The following ATG4A variants were observed in gnomAD, a reference collection of about 807,000 sequenced individuals.
ATG4A encodes autophagy related 4A cysteine peptidase.
In ATG4A, 22 loss-of-function variants were observed where a neutral mutation model predicts 38.4. The ratio of observed to expected loss-of-function variants is 0.57; its 90% CI spans 0.41 to 0.82. The LOEUF (loss-of-function observed/expected upper bound fraction) is 0.82. Ranked by LOEUF, ATG4A falls within the 40% of genes least tolerant of loss-of-function variation. The pLI is 0.00. For missense variants in ATG4A, 220 were observed against 290.0 expected, an observed-to-expected ratio of 0.76 and a Z score of 1.75; for synonymous variants, 86 against 100.7, an observed-to-expected ratio of 0.85 and a Z score of 0.88.
chrX:108,114,448 GC>G (rs1602629606), intron 1 of ATG4A, among the ~76,000 whole-genome samples: 1 of 112,005 alleles, frequency 8.9e-6, no homozygotes, highest in African/African-American at 3.2e-5. Flanking sequence ...TAATTCATAG[GC>G]CAGCATTCTG....
chrX:108,097,381 T>C (rs2031858301), intron 1 of ATG4A, among the ~76,000 whole-genome samples: 1 of 112,239 alleles, frequency 8.9e-6, no homozygotes, highest in Non-Finnish European at 1.9e-5. Context: ...TTTGGTGAAA[T>C]GACAAGATTT....
At position 108,117,618 on chromosome X, in the gene ATG4A, G is replaced by C. The variant is rs1422617666; in HGVS notation, c.11-8459G>C. ...AATTTACGAAGTGGGCCTTATTAGAGAGGGCTTTAAGTGCCACGTTGATGA... is the reference window on the plus strand; with the variant it reads ...AATTTACGAAGTGGGCCTTATTAGACAGGGCTTTAAGTGCCACGTTGATGA... On this transcript the variant is annotated intron_variant, in intron 1 of 12. Coordinates refer to ENST00000372232, the MANE Select transcript of ATG4A (RefSeq NM_052936.5). Among the ~76,000 whole-genome samples, 6 of 111,794 alleles carry C rather than the reference G, an allele frequency of 5.4e-5. No individual in the cohort carries two copies. In the East Asian group the frequency reaches 1.7e-3, roughly 31 times the overall value.
At chrX:108,141,863 T>C (rs1025081899) in intron 9 of ATG4A, among the ~76,000 whole-genome samples, 1 of 111,682 alleles carries the variant, frequency 9.0e-6, no homozygotes, top group Admixed American at 9.5e-5. Context: ...CATGTGTTTG[T>C]TTGTTACATG....
At chrX:108,099,702 AT>A (rs771033671) in intron 1 of ATG4A, among the ~76,000 whole-genome samples, 2 of 111,798 alleles carry the variant, frequency 1.8e-5, no homozygotes, top group East Asian at 5.6e-4. Flanking sequence ...GTCAAGGTTA[AT>A]TTTTTTGGAT....
upstream of ATG4A, among the ~76,000 whole-genome samples, chrX:108,091,110 T>C (rs976181582): frequency 8.8e-6 from 1 of 113,568 alleles, no homozygotes; most frequent in African/African-American, 3.2e-5. Flanking sequence ...AATAAATCCA[T>C]ATAAAAAGCC....
intron 1 of ATG4A, among the ~76,000 whole-genome samples, chrX:108,124,196 G>C (rs1041178156): frequency 3.6e-5 from 4 of 111,948 alleles, no homozygotes; most frequent in South Asian, 7.5e-4. Context: ...CTGGGCATGG[G>C]CCAGGGGCTG....
chrX:108,137,216 T>G (rs752880103), intron 7 of ATG4A, 46 bp downstream of exon 7: 83 of 1,052,393 alleles, frequency 7.9e-5, no homozygotes, highest in Non-Finnish European at 1.0e-4. Flanking sequence ...GGTGATGAGT[T>G]CCTCCCTCAC....
upstream of ATG4A, among the ~76,000 whole-genome samples, chrX:108,089,548 C>A (rs1218848461): frequency 1.8e-5 from 2 of 112,237 alleles, no homozygotes; most frequent in Non-Finnish European, 3.8e-5. Context: ...AAATAATAAG[C>A]TATGGCCGGG....
At chrX:108,109,707 C>A (rs931717364) in intron 1 of ATG4A, among the ~76,000 whole-genome samples, 8 of 111,945 alleles carry the variant, frequency 7.1e-5, no homozygotes, top group African/African-American at 2.6e-4. Context: ...TATCCATTGT[C>A]CCCAAAATCA....
At chrX:108,111,741 C>T (rs1349721679) in intron 1 of ATG4A, among the ~76,000 whole-genome samples, 1 of 112,066 alleles carries the variant, frequency 8.9e-6, no homozygotes, top group African/African-American at 3.2e-5. Context: ...GGTTACTTGA[C>T]TCTTTCTGGG....
At chrX:108,146,873 G>A (rs753593731) in intron 9 of ATG4A, among the ~76,000 whole-genome samples, 2 of 111,702 alleles carry the variant, frequency 1.8e-5, no homozygotes, top group South Asian at 7.6e-4. Context: ...AACTCCCCGA[G>A]CTGCAACATT....
At chrX:108,143,437 T>G (rs1387822720) in intron 9 of ATG4A, among the ~76,000 whole-genome samples, 1 of 111,413 alleles carries the variant, frequency 9.0e-6, no homozygotes, top group Non-Finnish European at 1.9e-5. Context: ...CCATTGACCT[T>G]AATCACAGGG....
chrX:108,121,154 C>A (rs1322358867), intron 1 of ATG4A, among the ~76,000 whole-genome samples: 1 of 111,501 alleles, frequency 9.0e-6, no homozygotes, highest in African/African-American at 3.3e-5. Context: ...TGGGGCAAGG[C>A]CTGTGCACAG....
At chrX:108,128,920 T>A in intron 3 of ATG4A, 68 bp downstream of exon 3, 1 of 746,467 alleles carries the variant, frequency 1.3e-6, no homozygotes, top group Non-Finnish European at 1.9e-6. Context: ...TATCAGTGAC[T>A]TCATAGAAAC....
chrX:108,149,898 A>T lies in ATG4A; in HGVS notation c.815-254A>T, dbSNP rs1428553757. 4 of 325,834 alleles carry T rather than the reference A, an allele frequency of 1.2e-5. No homozygotes were observed. The East Asian group carries it at 2.0e-4, about 16-fold the overall frequency. The allele number at this position is 325,834 out of a possible 1,213,427, so 26.9% of individuals were successfully genotyped here. On this transcript the variant is annotated intron_variant, in intron 9 of 12. Coordinates refer to ENST00000372232, the MANE Select transcript of ATG4A (RefSeq NM_052936.5). ...GTCTCTCATTCCCACATTTTCTCAA[A>T]CCTGTCACTTTCCATTTTGGGACTT...
chrX:108,151,777 T>C, intron 10 of ATG4A, 25 bp from the exon 11 acceptor site: 2 of 1,201,209 alleles, frequency 1.7e-6, no homozygotes, highest in Non-Finnish European at 2.3e-6. Flanking sequence ...TAATTCTAAG[T>C]TGTGTTCTTT....
chrX:108,147,011 A>G (rs1455409697), intron 9 of ATG4A, among the ~76,000 whole-genome samples: 1 of 111,559 alleles, frequency 9.0e-6, no homozygotes, highest in Non-Finnish European at 1.9e-5. Flanking sequence ...GTTTCTGTTT[A>G]TATAAATTAG....
At chrX:108,089,906 T>C (rs1014844955), upstream of ATG4A, among the ~76,000 whole-genome samples, 2 of 112,211 alleles carry the variant, frequency 1.8e-5, no homozygotes, top group Non-Finnish European at 3.8e-5. Flanking sequence ...AGGGAATCCC[T>C]ATTTGCAGTG....
rs150639036 is a variant in ATG4A, at chrX:108,128,204, C to T, written c.122-577C>T. 6.3e-4 allele frequency among the ~76,000 whole-genome samples: 70 copies of T among 111,451 alleles called. 1 individual carries two copies. The East Asian group carries it at 0.019, about 30-fold the overall frequency. ...TGGTGATCATAGCTCACTGCAATCTCGAACTCCTGGGTTCAAGTGATCCTC... is the reference window on the plus strand; with the variant it reads ...TGGTGATCATAGCTCACTGCAATCTTGAACTCCTGGGTTCAAGTGATCCTC... On this transcript the variant is annotated intron_variant, in intron 2 of 12. Coordinates refer to ENST00000372232, the MANE Select transcript of ATG4A (RefSeq NM_052936.5).
Sources: allele counts gnomAD v4.1 joint callset (sites outside exome capture counted in the v4.1 genomes callset), GRCh38; gene constraint gnomAD v4.1.1; transcripts MANE v1.5; gene names NCBI Gene and HGNC (gene_info 2026-07-23, HGNC 2026-07-21).